CNTN5: variants seen among roughly 807,000 people sequenced by gnomAD.
The protein encoded by CNTN5 is contactin 5, also known as contactin-5.
CNTN5 carries 77 observed loss-of-function variants against 129.1 expected under a neutral mutation model. The observed-to-expected ratio is 0.60, with a 90% CI of 0.50 to 0.72. CNTN5 has a LOEUF of 0.72. Among genes scored for constraint, CNTN5 ranks in the 30% least tolerant of loss-of-function variants. The pLI, the probability that CNTN5 is intolerant of heterozygous loss-of-function variation, is 0.00. For synonymous variants in CNTN5, 509 were observed against 465.6 expected (o/e 1.09, Z -1.20); for missense variants, 1,478 against 1,328.8 (o/e 1.11, Z -1.75).
intron 13 of CNTN5, among the ~76,000 whole-genome samples, chr11:100,086,024 A>C (rs918010137): frequency 6.6e-6 from 1 of 151,936 alleles, no homozygotes; most frequent in Non-Finnish European, 1.5e-5. Context: ...GTAAATACTA[A>C]TATTTGTCCA....
intron 8 of CNTN5, among the ~76,000 whole-genome samples, chr11:99,996,128 T>C (rs1939429176): frequency 6.6e-6 from 1 of 152,216 alleles, no homozygotes; most frequent in African/African-American, 2.4e-5. Flanking sequence ...GTGTTATTAT[T>C]GACACTGCCC....
At chr11:100,286,147 A>C (rs888441268) in intron 18 of CNTN5, among the ~76,000 whole-genome samples, 57 of 152,184 alleles carry the variant, frequency 3.7e-4, no homozygotes, top group African/African-American at 1.3e-3. Context: ...GCAGTCTGAG[A>C]TCAAACTGCA....
chr11:99,607,272 T>A (rs1950451275), intron 3 of CNTN5, among the ~76,000 whole-genome samples: 1 of 71,992 alleles, frequency 1.4e-5, no homozygotes. Context: ...AACAACCCCA[T>A]CAAAAAGTGG....
chr11:99,650,134 G>T (rs866381177), intron 3 of CNTN5, among the ~76,000 whole-genome samples: 1 of 151,866 alleles, frequency 6.6e-6, no homozygotes, highest in Non-Finnish European at 1.5e-5. Flanking sequence ...TAAATTTTTT[G>T]GTATGGAACA....
intron 16 of CNTN5, among the ~76,000 whole-genome samples, chr11:100,236,163 T>A (rs540169905): frequency 6.6e-6 from 1 of 152,186 alleles, no homozygotes; most frequent in East Asian, 1.9e-4. Flanking sequence ...GGTCAATTCC[T>A]AGTCAACATA....
chr11:100,291,817 A>G (rs1225880702), intron 18 of CNTN5, among the ~76,000 whole-genome samples: 1 of 150,582 alleles, frequency 6.6e-6, no homozygotes, highest in Admixed American at 6.6e-5. Flanking sequence ...AAATTAAAAA[A>G]AGGAAAAATA....
intron 7 of CNTN5, among the ~76,000 whole-genome samples, chr11:99,927,174 A>G (rs1384910043): frequency 6.6e-6 from 1 of 152,176 alleles, no homozygotes; most frequent in East Asian, 1.9e-4. Flanking sequence ...AAATGGAAGC[A>G]AAGAAAATCA....
At chr11:99,548,959 A>G (rs1948389595) in intron 2 of CNTN5, among the ~76,000 whole-genome samples, 1 of 152,172 alleles carries the variant, frequency 6.6e-6, no homozygotes, top group African/African-American at 2.4e-5. Context: ...ACTCAAAAAA[A>G]TCTGATTAGA....
At chr11:100,269,221 C>T (rs539589779) in intron 17 of CNTN5, among the ~76,000 whole-genome samples, 44 of 152,250 alleles carry the variant, frequency 2.9e-4, no homozygotes, top group African/African-American at 1.0e-3. Context: ...TAATAGAGAT[C>T]TGGCCTTAAG....
At chr11:99,860,999 A>G (rs531240296) in intron 6 of CNTN5, among the ~76,000 whole-genome samples, 1 of 118,056 alleles carries the variant, frequency 8.5e-6, no homozygotes, top group East Asian at 2.8e-4. Flanking sequence ...TCTGTCGCCC[A>G]GGCTGGAGTG....
At chr11:100,124,407 AATT>A (rs890686125) in intron 13 of CNTN5, among the ~76,000 whole-genome samples, 4 of 152,064 alleles carry the variant, frequency 2.6e-5, no homozygotes, top group Non-Finnish European at 5.9e-5. Flanking sequence ...GTATCAAGAA[AATT>A]ATTATAGATC....
At chr11:100,257,864 A>C (rs1442970490) in intron 17 of CNTN5, among the ~76,000 whole-genome samples, 1 of 152,214 alleles carries the variant, frequency 6.6e-6, no homozygotes, top group African/African-American at 2.4e-5. Flanking sequence ...AAAATTCCAA[A>C]AACCAGAACA....
chr11:99,307,594 T>C (rs940294502), intron 1 of CNTN5, among the ~76,000 whole-genome samples: 2 of 152,134 alleles, frequency 1.3e-5, no homozygotes, highest in African/African-American at 4.8e-5. Flanking sequence ...GAATCAGAGC[T>C]CTAATATCAT....
chr11:100,057,519 T>C (rs1943285551), intron 9 of CNTN5, among the ~76,000 whole-genome samples: 1 of 151,884 alleles, frequency 6.6e-6, no homozygotes, highest in Non-Finnish European at 1.5e-5. Flanking sequence ...CATTCACTTA[T>C]TTCATAAGCA....
chr11:99,258,293 A>G (rs1209437257), intron 1 of CNTN5, among the ~76,000 whole-genome samples: 2 of 151,482 alleles, frequency 1.3e-5, no homozygotes, highest in Admixed American at 1.3e-4. Flanking sequence ...CCTGATCCTC[A>G]CCCTCCTCCC....
At chr11:100,084,482 G>C (rs1486663717) in intron 13 of CNTN5, among the ~76,000 whole-genome samples, 1 of 152,072 alleles carries the variant, frequency 6.6e-6, no homozygotes, top group Non-Finnish European at 1.5e-5. Flanking sequence ...CATAAATCAC[G>C]ATGTAATTTA....
intron 7 of CNTN5, among the ~76,000 whole-genome samples, chr11:99,921,446 C>A (rs1160990454): frequency 2.6e-5 from 4 of 152,166 alleles, no homozygotes; most frequent in Non-Finnish European, 4.4e-5. Flanking sequence ...ACATCCATAT[C>A]TTTCTTTAAA....
At chr11:99,106,821 G>A (rs189443363) in intron 1 of CNTN5, among the ~76,000 whole-genome samples, 6 of 152,054 alleles carry the variant, frequency 3.9e-5, no homozygotes, top group African/African-American at 1.4e-4. Flanking sequence ...TAACATGATC[G>A]TTCCTCTAAA....
chr11:99,306,862 A>T (rs1041923171), intron 1 of CNTN5, among the ~76,000 whole-genome samples: 10 of 151,958 alleles, frequency 6.6e-5, no homozygotes, highest in Non-Finnish European at 1.5e-4. Flanking sequence ...AGTGCTAAGT[A>T]CAACATATTA....
Sources: gnomAD v4.1 joint callset for allele counts (sites outside exome capture counted in the v4.1 genomes callset) on GRCh38, gnomAD v4.1.1 for gene constraint, MANE v1.5 for transcripts, NCBI Gene and HGNC (gene_info 2026-07-23, HGNC 2026-07-21) for gene names.